IGFALS: variants seen among roughly 807,000 people sequenced by gnomAD.
IGFALS encodes the protein insulin-like growth factor-binding protein complex acid labile subunit.
Under a neutral mutation model 2.6 loss-of-function variants are expected in IGFALS, and 2 were observed. That is an observed-to-expected ratio of 0.77 (90% confidence interval 0.32 to 2.44). The LOEUF (loss-of-function observed/expected upper bound fraction) is 2.44, where lower values mean the gene tolerates loss of function less well. Ranked by LOEUF, IGFALS falls within the 30% of genes most tolerant of loss-of-function variation. The pLI is 0.11. For synonymous variants in IGFALS, 519 were observed against 431.9 expected (o/e 1.20, Z -2.50); for missense variants, 996 against 848.7 (o/e 1.17, Z -2.16).
chr16:1,790,810 G>A lies in IGFALS; in HGVS notation c.1608C>T (p.Asn536=), dbSNP rs758601429. The A allele has an allele frequency of 6.4e-7, 1 of 1,569,572 alleles. No homozygotes were observed. Among genetic ancestry groups the A allele is most frequent in the South Asian group, 1.2e-5 (1 of 86,020 alleles). ...TGAGAGGGCAGCCACAGTCCCAGGG[G>A]TTACCCTCCAGCCACAGGCGCTCCA... The part of the protein sequence containing the change: ...PGLERLWLEG[N]PWDCGCPLKA... The change falls in exon 2 of 2, where the codon AAC becomes AAT. Residue 536 remains asparagine (N), a synonymous_variant. Coordinates refer to ENST00000215539, the MANE Select transcript of IGFALS (RefSeq NM_004970.3).
At chr16:1,794,120 G>C (rs7501315), upstream of IGFALS, among the ~76,000 whole-genome samples, 11,236 of 152,130 alleles carry the variant, frequency 0.074, 1,345 homozygotes, top group African/African-American at 0.25. Context: ...GTAGCCAGCC[G>C]TGTGGGGCTA....
In IGFALS at chr16:1,791,116, C is replaced by T. The variant is rs765159127; in HGVS notation, c.1302G>A (p.Ala434=). 68 of 1,602,422 alleles carry T rather than the reference C, an allele frequency of 4.2e-5. No homozygotes were observed. Among genetic ancestry groups the T allele is most frequent in the East Asian group, 6.7e-5 (3 of 44,854 alleles). Residue 434 remains alanine, a synonymous_variant, in exon 2 of 2, where the codon GCG becomes GCA. Transcript: ENST00000215539. The part of the protein sequence containing the change: ...GIEEQSLWGL[A]ELLELDLTSN... ...AGGTCAGGTCGAGCTCCAGCAGCTC[C>T]GCCAGCCCCCACAGGCTCTGCTCCT... is the stretch of plus-strand genomic sequence containing the variant.
chr16:1,792,099 C>T lies in IGFALS; in HGVS notation c.319G>A (p.Gly107Ser), dbSNP rs751344207. 5.0e-6 allele frequency: 8 copies of T among 1,610,674 alleles called. No individual in the cohort carries two copies. The South Asian group carries it at 7.7e-5, about 16-fold the overall frequency. ...LSSLGFLNLQ[G>S]GQLGSLEPQA... is the part of the protein sequence containing the mutation. ...GGCTCCAGGCTGCCCAGCTGGCCGC[C>T]CTGCAGGTTGAGGAAGCCCAGGCTG... Residue 107 changes from glycine to serine, a missense_variant, in exon 2 of 2, where the codon GGC (glycine) becomes AGC (serine). Gly to Ser is a moderately conservative substitution (Grantham distance 56). Transcript: ENST00000215539.
At chr16:1,792,905 G>A (rs992449761) in intron 1 of IGFALS, among the ~76,000 whole-genome samples, 1 of 152,224 alleles carries the variant, frequency 6.6e-6, no homozygotes, top group African/African-American at 2.4e-5. Flanking sequence ...GCCCCCCAGC[G>A]GGGTCTCACC....
chr16:1,792,162 GGTT>G lies in IGFALS; in HGVS notation c.253_255del (p.Asn85del), dbSNP rs1897244994. On this transcript the variant is annotated inframe_deletion, in exon 2 of 2. Coordinates refer to ENST00000215539, the MANE Select transcript of IGFALS (RefSeq NM_004970.3). ...AAGGCTGCCGGGGGGACGGACGAGA[GGTT>G]GTTGCCGTCCAGCCACAGGGCTTGG... 1.2e-6 allele frequency: 2 copies of G among 1,611,322 alleles called. No individual in the cohort carries two copies. The highest frequency in any genetic ancestry group is 1.7e-6 in the Non-Finnish European group (2 of 1,179,724).
chr16:1,792,704 G>A (rs1936164514), intron 1 of IGFALS, among the ~76,000 whole-genome samples: 1 of 152,250 alleles, frequency 6.6e-6, no homozygotes, highest in Admixed American at 6.5e-5. Flanking sequence ...CTGGCCATGT[G>A]GCAGCCGCAC....
rs1287083038 is a variant in IGFALS at position 1,791,632 on chromosome 16, G to A, written c.786C>T (p.Phe262=). The A allele has an allele frequency of 4.4e-6, 7 of 1,575,448 alleles. No homozygotes were observed. Among genetic ancestry groups the A allele is most frequent in the African/African-American group, 1.4e-5 (1 of 74,018 alleles). ...NLIAAVAPGA[F]LGLKALRWLD... is the part of the protein sequence containing the mutation. ...GCCATCGCAGCGCCTTCAGGCCCAG[G>A]AAGGCGCCCGGGGCCACGGCAGCGA... is the stretch of plus-strand genomic sequence containing the variant. Residue 262 remains phenylalanine (F), a synonymous_variant, in exon 2 of 2, where the codon TTC becomes TTT. Coordinates refer to ENST00000215539, the MANE Select transcript of IGFALS (RefSeq NM_004970.3).
rs1897194607 is a variant in IGFALS, at chr16:1,790,591, G to A, written c.*9C>T. 4 of 1,559,438 alleles carry A rather than the reference G, an allele frequency of 2.6e-6. No homozygotes were observed. The highest frequency in any genetic ancestry group is 3.5e-6 in the Non-Finnish European group (4 of 1,152,434). ...GGCCTGAGTCCGGGGCTTGAGTCCG[G>A]GGACCTGGTCAGCAGGGAGCAAAGT... On this transcript the variant is annotated 3_prime_UTR_variant, in exon 2 of 2. Coordinates refer to ENST00000215539, the MANE Select transcript of IGFALS (RefSeq NM_004970.3).
intron 1 of IGFALS, among the ~76,000 whole-genome samples, chr16:1,793,299 C>T (rs1020770066): frequency 6.6e-6 from 1 of 152,118 alleles, no homozygotes; most frequent in Admixed American, 6.5e-5. Context: ...CGTCTCCTGC[C>T]TGGGCCGGGC....
chr16:1,794,258 C>T (rs1378891181), upstream of IGFALS, among the ~76,000 whole-genome samples: 3 of 152,180 alleles, frequency 2.0e-5, no homozygotes, highest in African/African-American at 7.2e-5. Flanking sequence ...CCCAAGCTCA[C>T]CCTGCCTCTC....
At chr16:1,794,307 G>A (rs1005489464), upstream of IGFALS, among the ~76,000 whole-genome samples, 2 of 152,098 alleles carry the variant, frequency 1.3e-5, no homozygotes, top group African/African-American at 4.8e-5. Context: ...CCACTGCCCC[G>A]CCCCCAGCCT....
upstream of IGFALS, chr16:1,794,847 C>T (rs1243490820): frequency 4.3e-6 from 3 of 702,302 alleles, no homozygotes; most frequent in Non-Finnish European, 7.8e-6. Context: ...ACCTGGCAGG[C>T]CCCGTGCAGA....
rs1567240236 is a variant in IGFALS, at chr16:1,790,631, T to C, written c.1787A>G (p.Asp596Gly). 15 of 1,579,820 alleles carry C rather than the reference T, an allele frequency of 9.5e-6. No homozygotes were observed. The highest frequency in any genetic ancestry group is 1.8e-5 in the Admixed American group (1 of 54,470). The change falls in exon 2 of 2, where the codon GAC (aspartate) becomes GGC (glycine). Residue 596 changes from aspartate (D) to glycine (G), a missense_variant. Transcript: ENST00000215539. ...PPEVVGLDLR[D>G]LSEAHFAPC The stretch of plus-strand genomic sequence containing the variant: ...GGGAGCAAAGTGGGCCTCGCTGAGG[T>C]CCCGCAGGTCGAGCCCCACGACCTC...
rs760236995 is a variant in IGFALS, at chr16:1,791,881, C to G, written c.537G>C (p.Trp179Cys). Residue 179 changes from tryptophan to cysteine, a missense_variant, in exon 2 of 2, where the codon TGG becomes TGC. Transcript: ENST00000215539. ...LGSLWDLNLG[W>C]NSLAVLPDAA... ...CATCGGGGAGCACCGCCAGGCTATT[C>G]CAGCCGAGGTTGAGGTCCCAGAGGC... is the stretch of plus-strand genomic sequence containing the variant. 9 of 1,564,372 alleles carry G rather than the reference C, an allele frequency of 5.8e-6. No homozygotes were observed. The Admixed American group carries it at 1.1e-4, about 20-fold the overall frequency.
chr16:1,794,284 C>T (rs536752969), upstream of IGFALS, among the ~76,000 whole-genome samples: 152 of 152,288 alleles, frequency 1.0e-3, no homozygotes, highest in African/African-American at 3.0e-3. Context: ...ACCCCAGGGG[C>T]GCTGGTGTCT....
rs1265959255 is a variant in IGFALS at position 1,790,975 on chromosome 16, C to G, written c.1443G>C (p.Leu481=). 1 of 1,596,990 alleles carries G rather than the reference C, an allele frequency of 6.3e-7. No individual in the cohort carries two copies. The highest frequency in any genetic ancestry group is 1.3e-5 in the African/African-American group (1 of 74,888). The change falls in exon 2 of 2, where the codon CTG becomes CTC. Residue 481 remains leucine, a synonymous_variant. Transcript: ENST00000215539. The part of the protein sequence containing the change: ...AELPADALGP[L]QRAFWLDVSH... ...AGACGTCCAGCCAGAAGGCCCGCTG[C>G]AGGGGGCCCAGGGCGTCCGCCGGCA...
Position 1,790,683 on chromosome 16 carries a change from T to C in IGFALS, c.1735A>G (p.Asn579Asp), listed in dbSNP as rs1313392846. ...GGCGGGCTGGCACAGGTGATGTTGT[T>C]GTAGGTGTACGCGGGCGGCTGGCAA... is the stretch of plus-strand genomic sequence containing the variant. Reference protein sequence around the residue: ...DDCQPPAYTYNNITCASPPEV... With the variant: ...DDCQPPAYTYDNITCASPPEV... Residue 579 changes from asparagine to aspartate, a missense_variant, in exon 2 of 2, where the codon AAC becomes GAC. Coordinates refer to ENST00000215539, the MANE Select transcript of IGFALS (RefSeq NM_004970.3). 9 of 1,606,786 alleles carry C rather than the reference T, an allele frequency of 5.6e-6. No individual in the cohort carries two copies. The East Asian group carries it at 1.8e-4, about 32-fold the overall frequency.
At chr16:1,793,882 C>T (rs1341607756), upstream of IGFALS, 5 of 422,050 alleles carry the variant, frequency 1.2e-5, no homozygotes, top group Admixed American at 8.1e-5. Flanking sequence ...AGTCGGGGCC[C>T]GAGGTAGCCG....
At position 1,790,432 on chromosome 16, in the gene IGFALS, C is replaced by A; in HGVS notation, c.*168G>T. On this transcript the variant is annotated 3_prime_UTR_variant, in exon 2 of 2. Transcript: ENST00000215539. The stretch of plus-strand genomic sequence containing the variant: ...TGCCTGTTAGATTCGATTGCCTTTG[C>A]CTTTAATTGATGACAGCTGGGGGGG... 1 of 685,552 alleles carries A rather than the reference C, an allele frequency of 1.5e-6. No homozygotes were observed. Among genetic ancestry groups the A allele is most frequent in the Non-Finnish European group, 2.6e-6 (1 of 379,920 alleles). 42.5% of individuals were successfully genotyped at this position (685,552 alleles called of 1,614,324 possible).
Sources: allele counts gnomAD v4.1 joint callset (sites outside exome capture counted in the v4.1 genomes callset), GRCh38; gene constraint gnomAD v4.1.1; transcripts MANE v1.5; gene names NCBI Gene and HGNC (gene_info 2026-07-23, HGNC 2026-07-21).